RAB3GAP1: variants seen among roughly 807,000 people sequenced by gnomAD.
The protein encoded by RAB3GAP1 is RAB3 GTPase activating protein catalytic subunit 1.
A neutral mutation model predicts 130.7 loss-of-function variants in RAB3GAP1; 86 were observed. The observed-to-expected ratio is 0.66, with a 90% CI of 0.55 to 0.79. The LOEUF is 0.79. RAB3GAP1 is among the 30% of genes least tolerant of loss of function. The pLI is 0.00. For synonymous variants in RAB3GAP1, 367 were observed against 401.7 expected, an observed-to-expected ratio of 0.91 and a Z score of 1.03; for missense variants, 1,029 against 1,169.4, an observed-to-expected ratio of 0.88 and a Z score of 1.75.
chr2:135,098,000 T>C (rs1690348418), intron 5 of RAB3GAP1, among the ~76,000 whole-genome samples: 1 of 152,224 alleles, frequency 6.6e-6, no homozygotes, highest in South Asian at 2.1e-4. Flanking sequence ...CCACCAACAA[T>C]GTATGAAAAT....
At chr2:135,057,705 T>G (rs1016066173) in intron 2 of RAB3GAP1, among the ~76,000 whole-genome samples, 1 of 152,348 alleles carries the variant, frequency 6.6e-6, no homozygotes, top group African/African-American at 2.4e-5. Context: ...AGTTTTTATT[T>G]GTGCCCCAAA....
chr2:135,071,952 G>A (rs559974618), intron 3 of RAB3GAP1, among the ~76,000 whole-genome samples: 31 of 152,078 alleles, frequency 2.0e-4, no homozygotes, highest in African/African-American at 6.5e-4. Flanking sequence ...TCGCTTTGTC[G>A]CCCAGGCTGG....
downstream of RAB3GAP1, chr2:135,175,455 T>C (rs1692981602): frequency 6.6e-6 from 1 of 152,214 alleles, no homozygotes; most frequent in South Asian, 2.1e-4. Flanking sequence ...CCAGCTGGGT[T>C]GTAATGGAAA....
intron 3 of RAB3GAP1, among the ~76,000 whole-genome samples, chr2:135,089,332 C>T (rs1279766902): frequency 6.6e-6 from 1 of 152,048 alleles, no homozygotes; most frequent in Non-Finnish European, 1.5e-5. Flanking sequence ...CGTGATACCT[C>T]CAGCTTTGTT....
chr2:135,079,831 A>G (rs1171455019), intron 3 of RAB3GAP1, among the ~76,000 whole-genome samples: 1 of 152,164 alleles, frequency 6.6e-6, no homozygotes, highest in African/African-American at 2.4e-5. Flanking sequence ...AACTTTTCTC[A>G]TCTATAAAAT....
intron 2 of RAB3GAP1, 124 bp downstream of exon 2, chr2:135,052,609 G>C: frequency 8.8e-7 from 1 of 1,136,280 alleles, no homozygotes; most frequent in Non-Finnish European, 1.3e-6. Context: ...CGTGGGTCCC[G>C]GGTCTCCTCC....
intron 17 of RAB3GAP1, among the ~76,000 whole-genome samples, chr2:135,147,621 C>CCCG (rs1692039046): frequency 6.8e-6 from 1 of 147,816 alleles, no homozygotes; most frequent in Non-Finnish European, 1.5e-5. Flanking sequence ...CCCCTCCCCC[C>CCCG]CCCTTTTTTT....
At chr2:135,075,133 G>C (rs950384907) in intron 3 of RAB3GAP1, among the ~76,000 whole-genome samples, 2 of 152,168 alleles carry the variant, frequency 1.3e-5, no homozygotes, top group African/African-American at 2.4e-5. Flanking sequence ...ATTATATGGG[G>C]AAATATTTTG....
chr2:135,098,998 C>G (rs1012892756), intron 5 of RAB3GAP1, among the ~76,000 whole-genome samples: 6 of 151,972 alleles, frequency 3.9e-5, no homozygotes, highest in Non-Finnish European at 4.4e-5. Context: ...CTTTTCTAAT[C>G]TCTGTGCTTT....
intron 11 of RAB3GAP1, among the ~76,000 whole-genome samples, chr2:135,129,578 T>C (rs575275463): frequency 2.6e-5 from 4 of 152,304 alleles, no homozygotes; most frequent in African/African-American, 7.2e-5. Context: ...AACATGTCTT[T>C]AGCGTTTCTT....
chr2:135,136,374 T>A (rs1335450713), intron 17 of RAB3GAP1, among the ~76,000 whole-genome samples: 1 of 152,146 alleles, frequency 6.6e-6, no homozygotes, highest in Non-Finnish European at 1.5e-5. Context: ...TATAGACTGT[T>A]TAAAGAAACT....
intron 3 of RAB3GAP1, among the ~76,000 whole-genome samples, chr2:135,083,397 G>C (rs1689883215): frequency 6.6e-6 from 1 of 152,110 alleles, no homozygotes; most frequent in Admixed American, 6.6e-5. Context: ...CTGTTTTCCA[G>C]AGTGGCTCTT....
Position 135,169,361 on chromosome 2 carries a change from T to C in RAB3GAP1, c.*580T>C, listed in dbSNP as rs1692773707. On this transcript the variant is annotated 3_prime_UTR_variant, in exon 24 of 24. Transcript: ENST00000264158. ...TTTGGATATTCTAGGAGAAAGCCTATAATTTCACATAGTTTCTCTTTTTCA... is the reference window on the plus strand; with the variant it reads ...TTTGGATATTCTAGGAGAAAGCCTACAATTTCACATAGTTTCTCTTTTTCA... The C allele has an allele frequency of 5.6e-6, 1 of 178,114 alleles. No homozygotes were observed. The allele number at this position is 178,114 out of a possible 1,614,324, so 11.0% of individuals were successfully genotyped here. A position where few individuals can be genotyped will look rare whatever the true frequency, so the allele number is the denominator to read the frequency against.
intron 5 of RAB3GAP1, among the ~76,000 whole-genome samples, chr2:135,107,936 T>C (rs1183371524): frequency 3.7e-5 from 5 of 133,370 alleles, no homozygotes; most frequent in African/African-American, 8.6e-5. Flanking sequence ...CATTGTGCCA[T>C]TGCACTCCAG....
chr2:135,090,583 GATAAAAGAAGC>G (rs1690114271), intron 3 of RAB3GAP1, among the ~76,000 whole-genome samples: 1 of 144,864 alleles, frequency 6.9e-6, no homozygotes, highest in Non-Finnish European at 1.5e-5. Context: ...GCCAAAGCTT[GATAAAAGAAGC>G]AGGAATCTGT....
At position 135,052,435 on chromosome 2, in the gene RAB3GAP1, A is replaced by T. The variant is rs765407542; in HGVS notation, c.24A>T (p.Glu8Asp). MAADSEP[E>D]SEVFEITDFT... is the part of the protein sequence containing the mutation. The stretch of plus-strand genomic sequence containing the variant: ...TCTCCTTCCCCTTCCCGCAGCCCGA[A>T]TCCGAGGTATTTGAGATCACGGACT... The change falls in exon 2 of 24, where the codon GAA (glutamate) becomes GAT (aspartate). Residue 8 changes from glutamate (E) to aspartate (D), a missense_variant. By Grantham distance (45) the Glu-to-Asp change is conservative. Transcript: ENST00000264158. The T allele has an allele frequency of 2.5e-6, 4 of 1,614,064 alleles. No homozygotes were observed. In the South Asian group the frequency reaches 3.3e-5, roughly 13 times the overall value.
At chr2:135,082,023 T>C (rs1315359992) in intron 3 of RAB3GAP1, among the ~76,000 whole-genome samples, 1 of 151,844 alleles carries the variant, frequency 6.6e-6, no homozygotes, top group Non-Finnish European at 1.5e-5. Flanking sequence ...ACACCTGTAG[T>C]CCCAGCTAAT....
intron 13 of RAB3GAP1, among the ~76,000 whole-genome samples, chr2:135,131,657 G>T (rs185575521): frequency 6.6e-6 from 1 of 152,174 alleles, no homozygotes; most frequent in South Asian, 2.1e-4. Flanking sequence ...GCCCCAGCCT[G>T]GGGGCCATCC....
chr2:135,116,820 G>A (rs906734030), intron 7 of RAB3GAP1, among the ~76,000 whole-genome samples: 13 of 152,062 alleles, frequency 8.5e-5, no homozygotes, highest in African/African-American at 3.1e-4. Context: ...AAAGTCATAT[G>A]GGTGTTCATT....
Sources: allele counts gnomAD v4.1 joint callset (sites outside exome capture counted in the v4.1 genomes callset), GRCh38; gene constraint gnomAD v4.1.1; transcripts MANE v1.5; gene names NCBI Gene and HGNC (gene_info 2026-07-23, HGNC 2026-07-21).